The following GRIP1 variants were observed in gnomAD, a reference collection of about 807,000 sequenced individuals.
The protein encoded by GRIP1 is glutamate receptor-interacting protein 1.
Under a neutral mutation model 129.9 loss-of-function variants are expected in GRIP1, and 45 were observed. The observed-to-expected ratio is 0.35, with a 90% CI of 0.27 to 0.44. The LOEUF is 0.44. GRIP1 is among the 20% of genes least tolerant of loss of function. GRIP1 has a pLI of 1.00. For missense variants in GRIP1, 1,196 were observed against 1,396.8 expected, an observed-to-expected ratio of 0.86 and a Z score of 2.29; for synonymous variants, 530 against 520.8, an observed-to-expected ratio of 1.02 and a Z score of -0.24.
chr12:66,724,468 T>C (rs73128882), intron 1 of GRIP1, among the ~76,000 whole-genome samples: 25 of 152,298 alleles, frequency 1.6e-4, no homozygotes, highest in Non-Finnish European at 3.4e-4. Flanking sequence ...AAATACATCA[T>C]AGAAGCATAC....
At chr12:66,852,275 C>T (rs1334446155) in intron 1 of GRIP1, among the ~76,000 whole-genome samples, 1 of 151,654 alleles carries the variant, frequency 6.6e-6, no homozygotes, top group Non-Finnish European at 1.5e-5. Context: ...TCCAAAATTG[C>T]ATGATTTGCT....
intron 1 of GRIP1, among the ~76,000 whole-genome samples, chr12:67,032,376 C>A (rs984129817): frequency 2.6e-5 from 4 of 152,152 alleles, no homozygotes; most frequent in Non-Finnish European, 5.9e-5. Flanking sequence ...TATGCTTCTT[C>A]CCCAACTGTC....
intron 1 of GRIP1, among the ~76,000 whole-genome samples, chr12:66,793,986 C>G (rs2038622438): frequency 2.0e-5 from 3 of 152,092 alleles, no homozygotes; most frequent in African/African-American, 7.2e-5. Flanking sequence ...GGAGATCAAG[C>G]ATAATAAACT....
At chr12:66,477,614 T>C (rs370418233) in intron 7 of GRIP1, among the ~76,000 whole-genome samples, 2 of 152,088 alleles carry the variant, frequency 1.3e-5, no homozygotes, top group Admixed American at 6.6e-5. Context: ...CATCACGCTA[T>C]CTGACTTCAA....
At chr12:67,030,588 C>T (rs1168161300) in intron 1 of GRIP1, among the ~76,000 whole-genome samples, 1 of 152,126 alleles carries the variant, frequency 6.6e-6, no homozygotes, top group Non-Finnish European at 1.5e-5. Context: ...TCCCATACTC[C>T]CTCAATAATA....
At chr12:66,647,832 T>C (rs1054259990) in intron 1 of GRIP1, among the ~76,000 whole-genome samples, 1 of 152,178 alleles carries the variant, frequency 6.6e-6, no homozygotes, top group Non-Finnish European at 1.5e-5. Context: ...TCAGAGATGA[T>C]GGGTTTTGGA....
At chr12:66,564,823 C>G (rs940977443) in intron 2 of GRIP1, among the ~76,000 whole-genome samples, 7 of 152,234 alleles carry the variant, frequency 4.6e-5, no homozygotes, top group African/African-American at 1.7e-4. Context: ...GCCATTCTAA[C>G]TGGTGTGAGA....
At chr12:66,503,619 A>C (rs576011425) in intron 7 of GRIP1, among the ~76,000 whole-genome samples, 44 of 152,148 alleles carry the variant, frequency 2.9e-4, no homozygotes, top group Non-Finnish European at 6.0e-4. Context: ...GGAGGCAAGA[A>C]TCGAGGTTGC....
At chr12:66,830,246 G>C (rs2039492420) in intron 1 of GRIP1, among the ~76,000 whole-genome samples, 1 of 152,138 alleles carries the variant, frequency 6.6e-6, no homozygotes, top group South Asian at 2.1e-4. Flanking sequence ...CTGTGAATAT[G>C]TTACCTTACA....
intron 1 of GRIP1, among the ~76,000 whole-genome samples, chr12:66,597,288 A>G (rs1173259880): frequency 1.3e-5 from 2 of 152,220 alleles, no homozygotes. Context: ...AGGTGTAATG[A>G]AGACAAAGAA....
intron 7 of GRIP1, among the ~76,000 whole-genome samples, chr12:66,502,195 T>A (rs1015689089): frequency 6.6e-6 from 1 of 152,150 alleles, no homozygotes; most frequent in Non-Finnish European, 1.5e-5. Context: ...CTGGTCTCCT[T>A]ATGTTACGAG....
chr12:66,478,928 A>G (rs551607050), intron 7 of GRIP1, among the ~76,000 whole-genome samples: 1 of 152,286 alleles, frequency 6.6e-6, no homozygotes, highest in Admixed American at 6.5e-5. Context: ...TACCTAGTGT[A>G]AATGACGAGT....
At chr12:66,454,217 G>A (rs59516545) in intron 11 of GRIP1, among the ~76,000 whole-genome samples, 3 of 152,194 alleles carry the variant, frequency 2.0e-5, no homozygotes, top group Non-Finnish European at 4.4e-5. Flanking sequence ...GGTGGCCCTG[G>A]TGAGACTGGA....
intron 1 of GRIP1, among the ~76,000 whole-genome samples, chr12:66,707,234 A>G (rs1285068571): frequency 2.6e-5 from 4 of 151,748 alleles, no homozygotes; most frequent in Non-Finnish European, 5.9e-5. Flanking sequence ...CCAAAATTAG[A>G]AGCTTCAAGT....
intron 16 of GRIP1, among the ~76,000 whole-genome samples, chr12:66,396,190 T>G (rs1273560596): frequency 6.6e-6 from 1 of 152,218 alleles, no homozygotes; most frequent in Non-Finnish European, 1.5e-5. Flanking sequence ...AGGAAAGACC[T>G]TGACCCCTTA....
chr12:67,038,219 A>G (rs1466060685), intron 1 of GRIP1, among the ~76,000 whole-genome samples: 1 of 152,216 alleles, frequency 6.6e-6, no homozygotes, highest in Non-Finnish European at 1.5e-5. Flanking sequence ...GAAGAAATTG[A>G]GCAGAAACAC....
intron 1 of GRIP1, among the ~76,000 whole-genome samples, chr12:66,663,741 G>A (rs944810431): frequency 2.0e-5 from 3 of 152,272 alleles, no homozygotes; most frequent in East Asian, 1.9e-4. Flanking sequence ...ACTCTAAAGC[G>A]TGTGTGTCTA....
intron 1 of GRIP1, among the ~76,000 whole-genome samples, chr12:66,605,668 T>C (rs537423348): frequency 2.6e-5 from 4 of 152,192 alleles, no homozygotes; most frequent in Non-Finnish European, 4.4e-5. Flanking sequence ...CTTTATAACT[T>C]CGGTAACTTT....
intron 1 of GRIP1, among the ~76,000 whole-genome samples, chr12:66,791,787 T>G (rs2038544518): frequency 6.6e-6 from 1 of 152,152 alleles, no homozygotes; most frequent in Non-Finnish European, 1.5e-5. Flanking sequence ...ACCCGAATAG[T>G]GTACATTGTA....
Sources: gnomAD v4.1 joint callset for allele counts (sites outside exome capture counted in the v4.1 genomes callset) on GRCh38, gnomAD v4.1.1 for gene constraint, MANE v1.5 for transcripts, NCBI Gene and HGNC (gene_info 2026-07-23, HGNC 2026-07-21) for gene names.